ZC2HC1B: variants seen among roughly 807,000 people sequenced by gnomAD.
ZC2HC1B encodes zinc finger C2HC domain-containing protein 1B.
ZC2HC1B carries 36 observed loss-of-function variants against 31.0 expected under a neutral mutation model. The observed-to-expected ratio is 1.16, with a 90% confidence interval of 0.89 to 1.54. ZC2HC1B has a LOEUF of 1.54. ZC2HC1B is among the 40% of genes most tolerant of loss of function. The probability of loss-of-function intolerance (pLI) is 0.00; values close to 1 mark genes in which losing one functional copy is unlikely to be tolerated. For synonymous variants in ZC2HC1B, 73 were observed against 88.0 expected, an observed-to-expected ratio of 0.83 and a Z score of 0.95; for missense variants, 260 against 268.6, an observed-to-expected ratio of 0.97 and a Z score of 0.22.
chr6:143,928,923 A>T (rs1052382134), intron 6 of ZC2HC1B, among the ~76,000 whole-genome samples: 4 of 149,652 alleles, frequency 2.7e-5, no homozygotes, highest in Admixed American at 6.7e-5. Flanking sequence ...AATGCTACTG[A>T]TTTTTGTCGA....
At chr6:143,866,363 C>T (rs1057036073) in intron 1 of ZC2HC1B, among the ~76,000 whole-genome samples, 6 of 152,256 alleles carry the variant, frequency 3.9e-5, no homozygotes, top group Non-Finnish European at 8.8e-5. Context: ...TCTGGCAATA[C>T]AGCACGCTGT....
chr6:143,931,255 A>T (rs139960479), intron 6 of ZC2HC1B, among the ~76,000 whole-genome samples: 1 of 152,116 alleles, frequency 6.6e-6, no homozygotes, highest in African/African-American at 2.4e-5. Flanking sequence ...ATTTTTGTCC[A>T]TTCTGCCATT....
intron 1 of ZC2HC1B, among the ~76,000 whole-genome samples, chr6:143,881,363 C>G (rs921180871): frequency 2.0e-5 from 3 of 151,758 alleles, no homozygotes; most frequent in African/African-American, 7.3e-5. Context: ...CCAGTCTAAG[C>G]AATATAGTGA....
intron 6 of ZC2HC1B, among the ~76,000 whole-genome samples, chr6:143,927,367 C>T (rs1202584989): frequency 6.6e-6 from 1 of 152,094 alleles, no homozygotes; most frequent in African/African-American, 2.4e-5. Flanking sequence ...TGTGTGCATA[C>T]TATTTATCTT....
intron 1 of ZC2HC1B, among the ~76,000 whole-genome samples, chr6:143,874,044 AT>A (rs1245178526): frequency 1.3e-5 from 2 of 152,148 alleles, no homozygotes; most frequent in Non-Finnish European, 2.9e-5. Context: ...AAAATGGAAT[AT>A]TTTTAACAGC....
intron 4 of ZC2HC1B, among the ~76,000 whole-genome samples, chr6:143,898,105 T>C (rs1256786603): frequency 2.6e-5 from 4 of 152,240 alleles, no homozygotes. Context: ...TGTCTTGCCC[T>C]TTGGAATAGT....
intron 1 of ZC2HC1B, among the ~76,000 whole-genome samples, chr6:143,875,368 T>TC (rs1777393533): frequency 7.3e-6 from 1 of 137,062 alleles, no homozygotes; most frequent in African/African-American, 2.7e-5. Flanking sequence ...TCCCTTCTTC[T>TC]ACATTAAACC....
At chr6:143,909,108 G>A (rs1047968939) in intron 6 of ZC2HC1B, among the ~76,000 whole-genome samples, 2 of 152,172 alleles carry the variant, frequency 1.3e-5, no homozygotes, top group Admixed American at 6.5e-5. Context: ...TTGCATCTCA[G>A]GGATGAAGCC....
intron 1 of ZC2HC1B, among the ~76,000 whole-genome samples, chr6:143,882,001 G>A (rs1173300785): frequency 6.6e-6 from 1 of 151,926 alleles, no homozygotes; most frequent in Non-Finnish European, 1.5e-5. Flanking sequence ...TTGTAGTGAC[G>A]GTTGAATTAA....
At chr6:143,936,467 A>G (rs1778179631) in intron 6 of ZC2HC1B, among the ~76,000 whole-genome samples, 1 of 152,238 alleles carries the variant, frequency 6.6e-6, no homozygotes, top group African/African-American at 2.4e-5. Context: ...TTTGGAAATT[A>G]TTTTAGAAAA....
Position 143,871,633 on chromosome 6 carries a change from G to A in ZC2HC1B, c.28+7066G>A, listed in dbSNP as rs1777337994. Among the ~76,000 whole-genome samples, 1 of 152,236 alleles carries A rather than the reference G, an allele frequency of 6.6e-6. No individual in the cohort carries two copies. Among genetic ancestry groups the A allele is most frequent in the African/African-American group, 2.4e-5 (1 of 41,470 alleles). On this transcript the variant is annotated intron_variant, in intron 1 of 7. Transcript: ENST00000237275. The surrounding 1 kb of genome is among the most constrained non-coding windows in gnomAD (Gnocchi z 4.1). ...CCAAATGGGAGAGTTGAACAGGGAT[G>A]TGGTAGGAATCACCACCCTGAGTCT...
intron 1 of ZC2HC1B, among the ~76,000 whole-genome samples, chr6:143,881,994 T>C (rs1777473928): frequency 6.6e-6 from 1 of 152,150 alleles, no homozygotes; most frequent in African/African-American, 2.4e-5. Flanking sequence ...TCTCTAGTTG[T>C]AGTGACGGTT....
chr6:143,934,804 G>C lies in ZC2HC1B; in HGVS notation c.599-2845G>C, dbSNP rs1460780194. Among the ~76,000 whole-genome samples, 1 of 152,198 alleles carries C rather than the reference G, an allele frequency of 6.6e-6. No individual in the cohort carries two copies. The highest frequency in any genetic ancestry group is 1.5e-5 in the Non-Finnish European group (1 of 68,040). ...TTTGCTGGGGATGGGGACACAAGGT[G>C]AGCTGGTCTTCAGGCCTCAGTGGTG... On this transcript the variant is annotated intron_variant, in intron 6 of 7. Transcript: ENST00000237275. This position sits in a 1 kb window ranked among gnomAD's most constrained non-coding sequence, Gnocchi z 4.6.
intron 6 of ZC2HC1B, among the ~76,000 whole-genome samples, chr6:143,912,244 C>T (rs1411521864): frequency 1.3e-5 from 2 of 152,214 alleles, no homozygotes; most frequent in South Asian, 2.1e-4. Context: ...TATTACCCAC[C>T]TTCTGAAACC....
At chr6:143,896,541 A>G (rs956900569) in intron 4 of ZC2HC1B, among the ~76,000 whole-genome samples, 3 of 152,210 alleles carry the variant, frequency 2.0e-5, no homozygotes, top group South Asian at 2.1e-4. Flanking sequence ...TTTCACTTCT[A>G]TTTGGTAGTT....
chr6:143,897,705 A>T (rs980599887), intron 4 of ZC2HC1B, among the ~76,000 whole-genome samples: 1 of 152,010 alleles, frequency 6.6e-6, no homozygotes, highest in Non-Finnish European at 1.5e-5. Context: ...TAAGTGAAAA[A>T]AAAAATCTAG....
Position 143,933,492 on chromosome 6 carries a change from T to A in ZC2HC1B, c.599-4157T>A, listed in dbSNP as rs1018056626. Among the ~76,000 whole-genome samples the A allele has an allele frequency of 1.3e-5, 2 of 152,032 alleles. No individual in the cohort carries two copies. The highest frequency in any genetic ancestry group is 4.8e-5 in the African/African-American group (2 of 41,380). ...GGATTAGGTAGGTTTGAGCTCAGACTCTCCTTGGGTGGGGGTTGCTGTGGC... is the reference window on the plus strand; with the variant it reads ...GGATTAGGTAGGTTTGAGCTCAGACACTCCTTGGGTGGGGGTTGCTGTGGC... On this transcript the variant is annotated intron_variant, in intron 6 of 7. Transcript: ENST00000237275. The surrounding 1 kb of genome is among the most constrained non-coding windows in gnomAD (Gnocchi z 6.4).
intron 4 of ZC2HC1B, among the ~76,000 whole-genome samples, chr6:143,889,115 G>T (rs1019476955): frequency 9.9e-5 from 15 of 151,948 alleles, no homozygotes; most frequent in African/African-American, 3.6e-4. Flanking sequence ...TATATTGTAA[G>T]GTTCTTATAT....
chr6:143,891,846 A>G (rs555319252), intron 4 of ZC2HC1B, among the ~76,000 whole-genome samples: 2 of 152,268 alleles, frequency 1.3e-5, no homozygotes, highest in South Asian at 2.1e-4. Flanking sequence ...AAGACTTATT[A>G]TAACAGTACA....
Sources: gnomAD v4.1 joint callset for allele counts (sites outside exome capture counted in the v4.1 genomes callset) on GRCh38, gnomAD v4.1.1 for gene constraint, Gnocchi (gnomAD v3.1) non-coding constraint, MANE v1.5 for transcripts, NCBI Gene and HGNC (gene_info 2026-07-23, HGNC 2026-07-21) for gene names.